The following NBAS variants were observed in gnomAD, a reference collection of about 807,000 sequenced individuals.
NBAS encodes NAG/BC035112 fusion.
A neutral mutation model predicts 302.5 loss-of-function variants in NBAS; 219 were observed. That is an observed-to-expected ratio of 0.72 (90% CI 0.65 to 0.81). NBAS has a LOEUF of 0.81. Ranked by LOEUF, NBAS falls within the 30% of genes least tolerant of loss-of-function variation. NBAS has a pLI of 0.00. For synonymous variants in NBAS, 1,118 were observed against 1,021.6 expected, an observed-to-expected ratio of 1.09 and a Z score of -1.80; for missense variants, 2,932 against 2,841.6, an observed-to-expected ratio of 1.03 and a Z score of -0.72.
At chr2:15,046,757 C>T in the NBAS span, among the ~76,000 whole-genome samples, 1 of 152,080 alleles carries the variant, frequency 6.6e-6, no homozygotes, top group East Asian at 1.9e-4. Flanking sequence ...GAGTCTGGAA[C>T]CTGGTGAATG....
At position 15,533,673 on chromosome 2, in the gene NBAS, GGTGTGC is replaced by G. The variant is rs1212875425; in HGVS notation, c.746+864_746+869del. Among the ~76,000 whole-genome samples the G allele has an allele frequency of 2.3e-5, 3 of 130,756 alleles. No individual in the cohort carries two copies. In the South Asian group the frequency reaches 8.1e-4, roughly 35 times the overall value. 85.8% of individuals were successfully genotyped at this position (130,756 alleles called of 152,430 possible). On this transcript the variant is annotated intron_variant, in intron 9 of 51. Transcript: ENST00000281513. ...GAAGAGCACAAGGAGGACTTCGGGGGGTGTGCGTGTGTGTGTGTGTGTGTGTGTGTG... is the reference window on the plus strand; with the variant it reads ...GAAGAGCACAAGGAGGACTTCGGGGGGTGTGTGTGTGTGTGTGTGTGTGTG...
the NBAS span, among the ~76,000 whole-genome samples, chr2:14,786,722 G>A: frequency 6.6e-6 from 1 of 152,132 alleles, no homozygotes; most frequent in Non-Finnish European, 1.5e-5. Context: ...TCCATTTGCT[G>A]AGGAGAGCTT....
intron 23 of NBAS, among the ~76,000 whole-genome samples, chr2:15,418,822 G>C (rs1162397736): frequency 1.3e-5 from 2 of 152,206 alleles, no homozygotes; most frequent in Non-Finnish European, 2.9e-5. Context: ...GGCTAGAGTA[G>C]GAGGGACGGG....
At chr2:15,477,904 C>A (rs902652873) in intron 13 of NBAS, among the ~76,000 whole-genome samples, 1 of 152,124 alleles carries the variant, frequency 6.6e-6, no homozygotes, top group African/African-American at 2.4e-5. Context: ...CTAATTACCC[C>A]CAACCCGCGA....
intron 13 of NBAS, among the ~76,000 whole-genome samples, chr2:15,476,364 A>C (rs747879760): frequency 3.9e-5 from 6 of 152,198 alleles, no homozygotes; most frequent in Non-Finnish European, 7.3e-5. Flanking sequence ...ATTTCCTCTT[A>C]AACTTGTAAC....
In NBAS at chr2:15,396,463, C is replaced by G; in HGVS notation, c.3084G>C (p.Glu1028Asp). Residue 1028 changes from glutamate to aspartate, a missense_variant, in exon 27 of 52, where the codon GAG becomes GAC. Transcript: ENST00000281513. ...LPERGYGDKT[E>D]ATTKLHDMVD... Reference sequence around the variant, plus strand: ...CCATGTCATGAAGCTTTGTGGTTGCCTCTGTCTTATCACTAATAAATTAAA... The same window carrying G: ...CCATGTCATGAAGCTTTGTGGTTGCGTCTGTCTTATCACTAATAAATTAAA... The G allele has an allele frequency of 6.3e-7, 1 of 1,597,008 alleles. No homozygotes were observed. The highest frequency in any genetic ancestry group is 2.2e-5 in the East Asian group (1 of 44,602).
chr2:15,221,443 C>T (rs1241585671), intron 47 of NBAS, among the ~76,000 whole-genome samples: 1 of 152,108 alleles, frequency 6.6e-6, no homozygotes, highest in African/African-American at 2.4e-5. Flanking sequence ...CCATAATTAT[C>T]AGCATCATCA....
the NBAS span, among the ~76,000 whole-genome samples, chr2:15,067,814 C>T: frequency 6.6e-6 from 1 of 151,962 alleles, no homozygotes; most frequent in African/African-American, 2.4e-5. Flanking sequence ...GAGAGTTTAC[C>T]TCATGTCAAG....
chr2:15,554,303 G>A (rs903822838), intron 3 of NBAS, among the ~76,000 whole-genome samples, 165 bp from the exon 4 acceptor site: 2 of 152,000 alleles, frequency 1.3e-5, no homozygotes, highest in Non-Finnish European at 2.9e-5. Flanking sequence ...TTTGGTAGCT[G>A]AAATTTGACC....
chr2:14,828,103 T>C, the NBAS span, among the ~76,000 whole-genome samples: 1 of 152,206 alleles, frequency 6.6e-6, no homozygotes, highest in Non-Finnish European at 1.5e-5. Flanking sequence ...TTGTATATGG[T>C]CAGAAATTAT....
At chr2:15,049,899 C>T in the NBAS span, among the ~76,000 whole-genome samples, 1 of 152,220 alleles carries the variant, frequency 6.6e-6, no homozygotes, top group African/African-American at 2.4e-5. Flanking sequence ...TGGAACACAG[C>T]TTTGTCCAGG....
At chr2:15,179,247 G>T (rs930630225) in intron 50 of NBAS, 131 bp from the exon 51 acceptor site, 5 of 1,351,412 alleles carry the variant, frequency 3.7e-6, no homozygotes, top group African/African-American at 2.9e-5. Flanking sequence ...ATATGGTACC[G>T]CACTGGATAT....
the NBAS span, among the ~76,000 whole-genome samples, chr2:15,019,590 T>C: frequency 0.34 from 51,634 of 152,034 alleles, 9,500 homozygotes; most frequent in Non-Finnish European, 0.41. Flanking sequence ...CAATATATCA[T>C]CTTATTTTCA....
At chr2:15,094,253 C>G in the NBAS span, among the ~76,000 whole-genome samples, 10 of 152,182 alleles carry the variant, frequency 6.6e-5, no homozygotes, top group Non-Finnish European at 1.2e-4. Context: ...ATATTTCCCT[C>G]TCTAGTAATC....
At chr2:15,360,129 A>G (rs942912462) in intron 32 of NBAS, among the ~76,000 whole-genome samples, 1 of 152,122 alleles carries the variant, frequency 6.6e-6, no homozygotes, top group Non-Finnish European at 1.5e-5. Flanking sequence ...TGTATAGGAC[A>G]TTTACCATGG....
At chr2:14,959,787 C>G in the NBAS span, among the ~76,000 whole-genome samples, 1 of 152,172 alleles carries the variant, frequency 6.6e-6, no homozygotes, top group Non-Finnish European at 1.5e-5. Context: ...CAATCAAGAC[C>G]TACTTCAAAT....
the NBAS span, among the ~76,000 whole-genome samples, chr2:14,806,425 T>C: frequency 6.6e-6 from 1 of 152,218 alleles, no homozygotes; most frequent in Non-Finnish European, 1.5e-5. Flanking sequence ...TCAATGTTTC[T>C]ATCCTTCAGA....
the NBAS span, among the ~76,000 whole-genome samples, chr2:14,858,970 T>C: frequency 6.6e-6 from 1 of 151,798 alleles, no homozygotes; most frequent in South Asian, 2.1e-4. Flanking sequence ...CCCACAAAAA[T>C]TAAAAATGAA....
chr2:15,028,856 A>G, the NBAS span, among the ~76,000 whole-genome samples: 1 of 152,164 alleles, frequency 6.6e-6, no homozygotes, highest in African/African-American at 2.4e-5. Flanking sequence ...TTATCACTAC[A>G]TAATGTTTTC....
Sources: allele counts gnomAD v4.1 joint callset (sites outside exome capture counted in the v4.1 genomes callset), GRCh38; gene constraint gnomAD v4.1.1; transcripts MANE v1.5; gene names NCBI Gene and HGNC (gene_info 2026-07-23, HGNC 2026-07-21).